The following CCDC91 variants were observed in gnomAD, a reference collection of about 807,000 sequenced individuals.
The protein encoded by CCDC91 is coiled-coil domain containing 91, also known as coiled-coil domain-containing protein 91.
In CCDC91, 48 loss-of-function variants were observed where a neutral mutation model predicts 63.2. The ratio of observed to expected loss-of-function variants is 0.76; its 90% CI spans 0.60 to 0.97. The LOEUF (loss-of-function observed/expected upper bound fraction) is 0.97, where lower values mean the gene tolerates loss of function less well. Ranked by LOEUF, CCDC91 falls within the 50% of genes least tolerant of loss-of-function variation. The pLI, the probability that CCDC91 is intolerant of heterozygous loss-of-function variation, is 0.00. For synonymous variants in CCDC91, 167 were observed against 165.8 expected (o/e 1.01, Z -0.06); for missense variants, 500 against 494.6 (o/e 1.01, Z -0.10).
intron 8 of CCDC91, among the ~76,000 whole-genome samples, chr12:28,421,673 A>G (rs1308997327): frequency 6.6e-6 from 1 of 151,920 alleles, no homozygotes; most frequent in Admixed American, 6.6e-5. Flanking sequence ...TGATTCCAAC[A>G]GTTTCCTGAA....
At chr12:28,279,771 A>C (rs1460098641) in intron 3 of CCDC91, among the ~76,000 whole-genome samples, 2 of 152,076 alleles carry the variant, frequency 1.3e-5, no homozygotes, top group African/African-American at 4.8e-5. Flanking sequence ...GAATTAATAG[A>C]ATATTACATG....
intron 1 of CCDC91, chr12:28,198,970 G>C (rs1941996282): frequency 6.6e-6 from 1 of 150,874 alleles, no homozygotes; most frequent in Non-Finnish European, 1.5e-5. Flanking sequence ...CTGAAGTGTA[G>C]TGGCGCCATC....
intron 8 of CCDC91, among the ~76,000 whole-genome samples, chr12:28,444,441 C>A (rs1949392797): frequency 6.6e-6 from 1 of 152,068 alleles, no homozygotes; most frequent in Non-Finnish European, 1.5e-5. Flanking sequence ...AGAATAGTAC[C>A]AATATAAGTC....
chr12:28,452,595 C>A lies in CCDC91; in HGVS notation c.1042C>A (p.Gln348Lys), dbSNP rs1046315518. Residue 348 changes from glutamine to lysine, a missense_variant, in exon 11 of 13, where the codon CAA (glutamine) becomes AAA (lysine). Physicochemically the swap from Gln to Lys is moderately conservative, Grantham distance 53. Transcript: ENST00000536442. ...ATGGAAGACAGAACATGCAAAAGAT[C>A]AAGAAAAAGTATCTCAGGAAATTCA... ...ELWKTEHAKD[Q>K]EKVSQEIQKA... 19 of 1,579,122 alleles carry A rather than the reference C, an allele frequency of 1.2e-5. No individual in the cohort carries two copies. Among genetic ancestry groups the A allele is most frequent in the Non-Finnish European group, 1.6e-5 (19 of 1,164,452 alleles).
chr12:28,483,094 C>T (rs1951535259), intron 11 of CCDC91, among the ~76,000 whole-genome samples: 1 of 151,832 alleles, frequency 6.6e-6, no homozygotes, highest in African/African-American at 2.4e-5. Context: ...CCATTTTTTA[C>T]AGTAAATAGA....
intron 7 of CCDC91, among the ~76,000 whole-genome samples, chr12:28,382,297 TAATA>T (rs1945342192): frequency 6.6e-6 from 1 of 151,426 alleles, no homozygotes; most frequent in Admixed American, 6.6e-5. Context: ...ATAATATTTA[TAATA>T]AATTTTAAAA....
At chr12:28,351,614 C>T (rs1015194243) in intron 6 of CCDC91, among the ~76,000 whole-genome samples, 1 of 151,792 alleles carries the variant, frequency 6.6e-6, no homozygotes, top group African/African-American at 2.4e-5. Context: ...GCACCGGTGG[C>T]TCAAGCTATG....
chr12:28,478,026 G>A (rs1951212829), intron 11 of CCDC91, among the ~76,000 whole-genome samples: 1 of 152,094 alleles, frequency 6.6e-6, no homozygotes, highest in Non-Finnish European at 1.5e-5. Context: ...CGTGAAAATG[G>A]CCATACTGCC....
At chr12:28,260,524 C>T (rs1946755836) in intron 3 of CCDC91, among the ~76,000 whole-genome samples, 1 of 151,914 alleles carries the variant, frequency 6.6e-6, no homozygotes, top group African/African-American at 2.4e-5. Context: ...ATTCCTACCC[C>T]CTTATGATAC....
At chr12:28,420,219 T>C (rs1318279986) in intron 8 of CCDC91, among the ~76,000 whole-genome samples, 4 of 152,012 alleles carry the variant, frequency 2.6e-5, no homozygotes, top group Non-Finnish European at 4.4e-5. Flanking sequence ...AGCAAAAAAA[T>C]CACAAATCAT....
chr12:28,525,481 A>G (rs536114970), intron 12 of CCDC91, among the ~76,000 whole-genome samples: 17 of 151,894 alleles, frequency 1.1e-4, no homozygotes, highest in South Asian at 8.3e-4. Flanking sequence ...TATAATTTCA[A>G]TTTTCTTAAA....
At chr12:28,194,362 T>TG (rs1341787292) in intron 1 of CCDC91, among the ~76,000 whole-genome samples, 7 of 152,316 alleles carry the variant, frequency 4.6e-5, no homozygotes, top group African/African-American at 1.7e-4. Flanking sequence ...AGTGGGTTCT[T>TG]GGTCTTGCTG....
At chr12:28,349,343 A>G (rs139283176) in intron 6 of CCDC91, among the ~76,000 whole-genome samples, 91 of 152,282 alleles carry the variant, frequency 6.0e-4, no homozygotes, top group African/African-American at 1.9e-3. Flanking sequence ...TGGAAGCTCT[A>G]TGCTGACAAA....
intron 8 of CCDC91, among the ~76,000 whole-genome samples, chr12:28,447,665 A>G (rs1350172396): frequency 6.9e-6 from 1 of 144,206 alleles, no homozygotes; most frequent in Non-Finnish European, 1.5e-5. Context: ...AGTCTGGGCA[A>G]CATAGAGGAT....
intron 7 of CCDC91, among the ~76,000 whole-genome samples, chr12:28,381,196 T>C (rs766795944): frequency 1.3e-5 from 2 of 152,124 alleles, no homozygotes; most frequent in African/African-American, 2.4e-5. Context: ...TAATAATTAA[T>C]GTGAGAGAGA....
At chr12:28,514,120 T>G (rs1229732717) in intron 12 of CCDC91, among the ~76,000 whole-genome samples, 1 of 151,928 alleles carries the variant, frequency 6.6e-6, no homozygotes, top group African/African-American at 2.4e-5. Flanking sequence ...CTTGCCAGCA[T>G]CTGTAATTTT....
intron 8 of CCDC91, among the ~76,000 whole-genome samples, chr12:28,421,625 G>A (rs1948019465): frequency 6.6e-6 from 1 of 151,512 alleles, no homozygotes; most frequent in Admixed American, 6.6e-5. Context: ...GGGCATTTAG[G>A]TTGATGAATC....
rs144497128 is a variant in CCDC91 at position 28,325,656 on chromosome 12, T to C, written c.576+17907T>C. Among the ~76,000 whole-genome samples the C allele has an allele frequency of 8.5e-4, 129 of 151,996 alleles. 3 individuals are homozygous for C. The highest frequency in any genetic ancestry group is 2.9e-3 in the African/African-American group (122 of 41,492). On this transcript the variant is annotated intron_variant, in intron 6 of 12. Coordinates refer to ENST00000536442, the MANE Select transcript of CCDC91 (RefSeq NM_018318.5). ...TGACTTTAAAGCCAAAAGTTGAAGA[T>C]GGCAAGAAGAGGAGATTTTAGGCAT...
chr12:28,499,545 C>T (rs911332385), intron 12 of CCDC91, among the ~76,000 whole-genome samples: 6 of 151,812 alleles, frequency 4.0e-5, no homozygotes, highest in Admixed American at 3.3e-4. Context: ...ATGATGTTCC[C>T]CTCCCTGTGT....
Sources: allele counts gnomAD v4.1 joint callset (sites outside exome capture counted in the v4.1 genomes callset), GRCh38; gene constraint gnomAD v4.1.1; transcripts MANE v1.5; gene names NCBI Gene and HGNC (gene_info 2026-07-23, HGNC 2026-07-21).